The following LAMA2 variants were observed in gnomAD, a reference collection of about 807,000 sequenced individuals.
LAMA2 encodes the protein laminin subunit alpha 2.
LAMA2 carries 269 observed loss-of-function variants against 364.8 expected under a neutral mutation model. The observed-to-expected ratio is 0.74, with a 90% CI of 0.67 to 0.82. The LOEUF is 0.82. LAMA2 is among the 40% of genes least tolerant of loss of function. The probability of loss-of-function intolerance (pLI) is 0.00; values close to 1 mark genes in which losing one functional copy is unlikely to be tolerated. For missense variants in LAMA2, 3,807 were observed against 3,873.2 expected, an observed-to-expected ratio of 0.98 and a Z score of 0.45; for synonymous variants, 1,379 against 1,370.6, an observed-to-expected ratio of 1.01 and a Z score of -0.14.
chr6:129,141,515 G>A lies in LAMA2; in HGVS notation c.640-2386G>A, dbSNP rs139671577. On this transcript the variant is annotated intron_variant, in intron 4 of 64. Transcript: ENST00000421865. ...AACATATTCATATTTTTATCATGAG[G>A]CATTTTGAGTCTATTCTTTGTGACA... is the stretch of plus-strand genomic sequence containing the variant. Among the ~76,000 whole-genome samples the A allele has an allele frequency of 1.8e-3, 268 of 152,042 alleles. 1 individual carries two copies. The highest frequency in any genetic ancestry group is 6.2e-3 in the African/African-American group (259 of 41,490).
intron 1 of LAMA2, among the ~76,000 whole-genome samples, chr6:128,948,525 C>T (rs1780616793): frequency 6.6e-6 from 1 of 152,176 alleles, no homozygotes; most frequent in Admixed American, 6.5e-5. Flanking sequence ...AAATTACACA[C>T]CTTCCTCTAA....
intron 1 of LAMA2, among the ~76,000 whole-genome samples, chr6:129,015,003 A>G (rs1022470181): frequency 2.6e-5 from 4 of 152,112 alleles, no homozygotes; most frequent in African/African-American, 9.6e-5. Context: ...CTATTAAAAT[A>G]AATTAAATAG....
intron 60 of LAMA2, among the ~76,000 whole-genome samples, chr6:129,504,724 T>G (rs1172029908): frequency 6.6e-6 from 1 of 152,250 alleles, no homozygotes; most frequent in Non-Finnish European, 1.5e-5. Flanking sequence ...TTTGTGCCAC[T>G]CTTTCTTTAA....
intron 3 of LAMA2, among the ~76,000 whole-genome samples, chr6:129,097,397 T>A (rs1775250934): frequency 6.6e-6 from 1 of 152,240 alleles, no homozygotes; most frequent in African/African-American, 2.4e-5. Context: ...TTTTTTTACG[T>A]CTTCAAATTC....
chr6:129,364,320 T>A (rs991486324), intron 32 of LAMA2, among the ~76,000 whole-genome samples: 2 of 152,170 alleles, frequency 1.3e-5, no homozygotes, highest in Non-Finnish European at 2.9e-5. Context: ...AGAGACCTAA[T>A]TGAATTCTTG....
intron 1 of LAMA2, among the ~76,000 whole-genome samples, chr6:128,920,161 T>C (rs141199388): frequency 2.6e-5 from 4 of 152,004 alleles, no homozygotes; most frequent in African/African-American, 9.6e-5. Flanking sequence ...CATTTTTCTT[T>C]TCTTTTTTTT....
chr6:129,410,951 A>C (rs1780511695), intron 40 of LAMA2, among the ~76,000 whole-genome samples: 1 of 152,146 alleles, frequency 6.6e-6, no homozygotes, highest in African/African-American at 2.4e-5. Flanking sequence ...AAATGAGATG[A>C]GATGTCCCAG....
In LAMA2 at chr6:129,354,633, T is replaced by A. The variant is rs189976199; in HGVS notation, c.4717+1276T>A. 8.0e-4 allele frequency among the ~76,000 whole-genome samples: 122 copies of A among 152,274 alleles called. 2 individuals carry two copies. The highest frequency in any genetic ancestry group is 2.8e-3 in the African/African-American group (117 of 41,576). ...TAAACAGTCCTTGAATTATTAATCA[T>A]CACTTTTATTAACTATCCAGAAGCA... On this transcript the variant is annotated intron_variant, in intron 32 of 64. Coordinates refer to ENST00000421865, the MANE Select transcript of LAMA2 (RefSeq NM_000426.4).
At chr6:129,516,166 G>GCCCT in intron 64 of LAMA2, 24 bp from the exon 65 acceptor site, 1 of 1,613,714 alleles carries the variant, frequency 6.2e-7, no homozygotes, top group Non-Finnish European at 8.5e-7. Context: ...TCAAAGCTGA[G>GCCCT]CCCTCTTGCA....
intron 35 of LAMA2, among the ~76,000 whole-genome samples, chr6:129,383,890 C>A (rs146168156): frequency 6.6e-6 from 1 of 152,166 alleles, no homozygotes; most frequent in Non-Finnish European, 1.5e-5. Context: ...ATATAATAAA[C>A]GTGCATGCAT....
intron 58 of LAMA2, among the ~76,000 whole-genome samples, chr6:129,495,510 T>G (rs1785119376): frequency 1.3e-5 from 2 of 152,186 alleles, no homozygotes; most frequent in Admixed American, 1.3e-4. Flanking sequence ...TAAGAATGTT[T>G]TAATGTTTTT....
chr6:128,930,058 C>A, intron 1 of LAMA2: 1 of 372,852 alleles, frequency 2.7e-6, no homozygotes, highest in South Asian at 3.2e-5. Context: ...CGCAGCCCTG[C>A]AGGGCCGGCC....
intron 46 of LAMA2, among the ~76,000 whole-genome samples, chr6:129,453,646 G>C (rs916062599): frequency 6.6e-6 from 1 of 152,040 alleles, no homozygotes; most frequent in Non-Finnish European, 1.5e-5. Context: ...TCTTCCATTT[G>C]AACTATTTGA....
chr6:129,054,496 G>A (rs769845013), intron 2 of LAMA2, among the ~76,000 whole-genome samples: 2 of 152,072 alleles, frequency 1.3e-5, no homozygotes, highest in East Asian at 1.9e-4. Context: ...GGGCATGAAC[G>A]GAGTTGTGGG....
chr6:129,251,070 C>CTATATATATATA (rs1786184240), intron 13 of LAMA2, among the ~76,000 whole-genome samples: 1 of 67,622 alleles, frequency 1.5e-5, no homozygotes, highest in African/African-American at 4.8e-5. Flanking sequence ...CTCTCTCTCT[C>CTATATATATATA]TCTCTCTATA....
chr6:129,147,994 T>C (rs1199077655), intron 6 of LAMA2, among the ~76,000 whole-genome samples: 1 of 152,014 alleles, frequency 6.6e-6, no homozygotes, highest in Non-Finnish European at 1.5e-5. Context: ...GTTACATAGG[T>C]AAATGTGTGT....
Position 129,177,864 on chromosome 6 carries a change from A to G in LAMA2, c.1465A>G (p.Lys489Glu), listed in dbSNP as rs762868463. ...TCCTTGTTTTGGCCCCTGTATCTGCAAGGTACATTGTTTATTCCAGTAATG... is the reference window on the plus strand; with the variant it reads ...TCCTTGTTTTGGCCCCTGTATCTGCGAGGTACATTGTTTATTCCAGTAATG... ...EDPCFGPCICKENVEGGDCSR... is the reference protein window; with the variant it reads ...EDPCFGPCICEENVEGGDCSR... The change falls in exon 10 of 65, where the codon AAG (lysine) becomes GAG (glutamate). Residue 489 changes from lysine (K) to glutamate (E), a missense_variant and splice_region_variant. Transcript: ENST00000421865. 6 of 1,613,506 alleles carry G rather than the reference A, an allele frequency of 3.7e-6. No homozygotes were observed. The South Asian group carries it at 5.5e-5, about 15-fold the overall frequency.
At chr6:128,992,593 A>C (rs1783673730) in intron 1 of LAMA2, among the ~76,000 whole-genome samples, 1 of 152,226 alleles carries the variant, frequency 6.6e-6, no homozygotes, top group African/African-American at 2.4e-5. Context: ...GACAAGGTAC[A>C]GGGCCCAGGG....
At chr6:129,223,566 G>A (rs1324853746) in intron 12 of LAMA2, among the ~76,000 whole-genome samples, 3 of 152,290 alleles carry the variant, frequency 2.0e-5, no homozygotes, top group African/African-American at 7.2e-5. Context: ...CATATGGCTA[G>A]CCAGTTTTCC....
Sources: gnomAD v4.1 joint callset for allele counts (sites outside exome capture counted in the v4.1 genomes callset) on GRCh38, gnomAD v4.1.1 for gene constraint, MANE v1.5 for transcripts, NCBI Gene and HGNC (gene_info 2026-07-23, HGNC 2026-07-21) for gene names.